ROBO2: variants seen among roughly 807,000 people sequenced by gnomAD.
ROBO2 encodes roundabout homolog 2.
In ROBO2, 53 loss-of-function variants were observed where a neutral mutation model predicts 160.8. That is an observed-to-expected ratio of 0.33 (90% CI 0.26 to 0.41). The LOEUF (loss-of-function observed/expected upper bound fraction) is 0.41. Among genes scored for constraint, ROBO2 ranks in the 10% least tolerant of loss-of-function variants. The probability of loss-of-function intolerance (pLI) is 1.00; values close to 1 mark genes in which losing one functional copy is unlikely to be tolerated. For missense variants in ROBO2, 1,577 were observed against 1,722.4 expected, an observed-to-expected ratio of 0.92 and a Z score of 1.49; for synonymous variants, 664 against 611.7, an observed-to-expected ratio of 1.09 and a Z score of -1.26.
chr3:77,158,260 C>T (rs942586638), intron 2 of ROBO2, among the ~76,000 whole-genome samples: 1 of 152,106 alleles, frequency 6.6e-6, no homozygotes, highest in Non-Finnish European at 1.5e-5. Context: ...TTAGTAGAAC[C>T]TGTCTCAGTG....
At chr3:76,103,345 T>C (rs2069781915) in intron 2 of ROBO2, among the ~76,000 whole-genome samples, 1 of 152,184 alleles carries the variant, frequency 6.6e-6, no homozygotes, top group Admixed American at 6.5e-5. Flanking sequence ...CTGTTTCTTC[T>C]CCTTTGCCTG....
chr3:76,460,556 A>G (rs922150009), intron 2 of ROBO2, among the ~76,000 whole-genome samples: 3 of 152,202 alleles, frequency 2.0e-5, no homozygotes, highest in African/African-American at 7.2e-5. Flanking sequence ...AGGACATTCA[A>G]GCAACCAGGA....
intron 1 of ROBO2, among the ~76,000 whole-genome samples, chr3:77,042,892 G>A (rs1400270324): frequency 6.6e-6 from 1 of 152,210 alleles, no homozygotes; most frequent in African/African-American, 2.4e-5. Flanking sequence ...AGTGAAAAAT[G>A]CCAAAATTGA....
chr3:77,568,974 C>T (rs574379664), intron 13 of ROBO2, among the ~76,000 whole-genome samples: 6 of 152,072 alleles, frequency 3.9e-5, no homozygotes, highest in Middle Eastern at 3.4e-3. Context: ...CATGTGGTAG[C>T]GCGTATCAGG....
intron 1 of ROBO2, among the ~76,000 whole-genome samples, chr3:77,070,188 C>A (rs2067259777): frequency 6.6e-6 from 1 of 152,160 alleles, no homozygotes; most frequent in African/African-American, 2.4e-5. Context: ...AAGGAACCAA[C>A]TCTGCCAACA....
chr3:76,291,890 T>C (rs1376655961), intron 2 of ROBO2, among the ~76,000 whole-genome samples: 2 of 151,850 alleles, frequency 1.3e-5, no homozygotes, highest in African/African-American at 4.8e-5. Flanking sequence ...GTAGTTGATA[T>C]GATTTTTTTT....
chr3:77,280,356 T>G (rs909789642), intron 2 of ROBO2, among the ~76,000 whole-genome samples: 3 of 152,202 alleles, frequency 2.0e-5, no homozygotes, highest in Admixed American at 6.5e-5. Context: ...TTATAGCTAA[T>G]TTAAATCTAG....
chr3:77,433,501 T>C (rs993190316), intron 2 of ROBO2, among the ~76,000 whole-genome samples: 10 of 110,940 alleles, frequency 9.0e-5, no homozygotes, highest in Non-Finnish European at 1.8e-4. Context: ...TATATATATA[T>C]ATATATATAT....
chr3:77,180,021 A>T (rs1362271108), intron 2 of ROBO2, among the ~76,000 whole-genome samples: 1 of 152,044 alleles, frequency 6.6e-6, no homozygotes, highest in Non-Finnish European at 1.5e-5. Flanking sequence ...CGATAAAAGC[A>T]TCAGGGCTTG....
At chr3:77,286,602 C>T (rs886749564) in intron 2 of ROBO2, among the ~76,000 whole-genome samples, 1 of 152,100 alleles carries the variant, frequency 6.6e-6, no homozygotes, top group Non-Finnish European at 1.5e-5. Context: ...ATAAAATTGC[C>T]TTCTTTACAT....
intron 1 of ROBO2, among the ~76,000 whole-genome samples, chr3:77,092,977 A>G (rs1478498709): frequency 1.3e-5 from 2 of 152,120 alleles, no homozygotes; most frequent in Admixed American, 6.6e-5. Flanking sequence ...CAGGGTGGGC[A>G]AACCTTGGTA....
At position 75,982,454 on chromosome 3, in the gene ROBO2, A is replaced by G. The variant is rs560204927; in HGVS notation, c.109+44852A>G. Among the ~76,000 whole-genome samples, 371 of 151,632 alleles carry G rather than the reference A, an allele frequency of 2.4e-3. 1 individual carries two copies. The highest frequency in any genetic ancestry group is 8.7e-3 in the African/African-American group (359 of 41,484). On this transcript the variant is annotated intron_variant, in intron 2 of 26. Transcript: ENST00000487694. ...GCATTTGCTACTGCCTGTCTTTTGA[A>G]TAAAAGCCATTTTAACTGGGGTAAG...
chr3:77,233,151 G>C (rs1209580295), intron 2 of ROBO2, among the ~76,000 whole-genome samples: 1 of 152,106 alleles, frequency 6.6e-6, no homozygotes, highest in Non-Finnish European at 1.5e-5. Flanking sequence ...TCAGTTTTCA[G>C]CTCTGCATAG....
rs147905119 is a variant in ROBO2 at position 77,459,608 on chromosome 3, A to G, written c.389-17806A>G. Among the ~76,000 whole-genome samples, 116 of 152,318 alleles carry G rather than the reference A, an allele frequency of 7.6e-4. No individual in the cohort carries two copies. In the East Asian group the frequency reaches 0.015, roughly 20 times the overall value. The stretch of plus-strand genomic sequence containing the variant: ...ATATGTGATATTCAGGGGAGAAAAC[A>G]GAGGAATATGATATGTGTGATCTTG... On this transcript the variant is annotated intron_variant, in intron 2 of 25. Transcript: ENST00000461745.
At chr3:76,653,311 C>A (rs2091337695) in intron 2 of ROBO2, among the ~76,000 whole-genome samples, 1 of 151,444 alleles carries the variant, frequency 6.6e-6, no homozygotes, top group Non-Finnish European at 1.5e-5. Flanking sequence ...TGTGAAGTAA[C>A]TACCTTATTT....
At chr3:76,950,936 C>A (rs1250713648) in intron 2 of ROBO2, among the ~76,000 whole-genome samples, 1 of 152,150 alleles carries the variant, frequency 6.6e-6, no homozygotes, top group African/African-American at 2.4e-5. Context: ...CCATGTTTCC[C>A]AGGCTGGTCT....
At chr3:76,113,219 G>A (rs2070316895) in intron 2 of ROBO2, among the ~76,000 whole-genome samples, 1 of 152,112 alleles carries the variant, frequency 6.6e-6, no homozygotes, top group African/African-American at 2.4e-5. Flanking sequence ...AAAAATGGAT[G>A]TGAGGAAAAG....
rs374335004 is a variant in ROBO2, at chr3:76,952,687, G to GTA, written c.110-145313_110-145312dup. Among the ~76,000 whole-genome samples, 82 of 149,990 alleles carry GTA rather than the reference G, an allele frequency of 5.5e-4. No homozygotes were observed. The South Asian group carries it at 0.01, about 19-fold the overall frequency. ...CTATATAGTTAGTATATCTGTGTGT[G>GTA]TATATATATATATATTTATGTATAA... On this transcript the variant is annotated intron_variant, in intron 2 of 26. Coordinates refer to the ROBO2 transcript ENST00000487694.
chr3:76,179,679 T>C lies in ROBO2; in HGVS notation c.109+242077T>C, dbSNP rs139971736. On this transcript the variant is annotated intron_variant, in intron 2 of 26. Coordinates refer to the ROBO2 transcript ENST00000487694. ...GGGTATAATCAAGGTGATACTACAG[T>C]CTTATTTTCTTCTTTGCCTAGATCT... Among the ~76,000 whole-genome samples, 3 of 152,150 alleles carry C rather than the reference T, an allele frequency of 2.0e-5. No individual in the cohort carries two copies. In the East Asian group the frequency reaches 5.8e-4, roughly 29 times the overall value.
Sources: gnomAD v4.1 joint callset for allele counts (sites outside exome capture counted in the v4.1 genomes callset) on GRCh38, gnomAD v4.1.1 for gene constraint, MANE v1.5 for transcripts, NCBI Gene and HGNC (gene_info 2026-07-23, HGNC 2026-07-21) for gene names.